Variants in RIMS2 observed in about 807,000 individuals in gnomAD.
RIMS2 encodes regulating synaptic membrane exocytosis protein 2.
Under a neutral mutation model 174.4 loss-of-function variants are expected in RIMS2, and 59 were observed. The observed-to-expected ratio is 0.34, with a 90% CI of 0.27 to 0.42. The LOEUF (loss-of-function observed/expected upper bound fraction) is 0.42. Ranked by LOEUF, RIMS2 falls within the 10% of genes least tolerant of loss-of-function variation. RIMS2 has a pLI of 1.00. For missense variants in RIMS2, 1,620 were observed against 1,666.3 expected (o/e 0.97, Z 0.48); for synonymous variants, 606 against 572.5 (o/e 1.06, Z -0.84).
At chr8:103,804,738 G>C (rs7832329) in intron 3 of RIMS2, among the ~76,000 whole-genome samples, 17,309 of 152,114 alleles carry the variant, frequency 0.11, 1,331 homozygotes, top group African/African-American at 0.22. Context: ...TGAGAGATTT[G>C]ATTTAAAACC....
At chr8:103,743,595 ATTC>A (rs1564475452) in intron 2 of RIMS2, among the ~76,000 whole-genome samples, 1 of 152,098 alleles carries the variant, frequency 6.6e-6, no homozygotes, top group African/African-American at 2.4e-5. Flanking sequence ...GATATCACAG[ATTC>A]TTTTGTTTAC....
At chr8:103,532,741 G>A (rs749662580) in intron 1 of RIMS2, among the ~76,000 whole-genome samples, 1 of 152,158 alleles carries the variant, frequency 6.6e-6, no homozygotes, top group Non-Finnish European at 1.5e-5. Flanking sequence ...CAATAATACA[G>A]TTACAACTCA....
chr8:104,249,074 A>G (rs984145732), intron 21 of RIMS2, among the ~76,000 whole-genome samples: 2 of 150,722 alleles, frequency 1.3e-5, no homozygotes, highest in African/African-American at 4.9e-5. Flanking sequence ...GACTACAGGC[A>G]CACGCCACCA....
chr8:103,768,773 A>G lies in RIMS2; in HGVS notation c.698+2236A>G. 3 of 738,312 alleles carry G rather than the reference A, an allele frequency of 4.1e-6. No homozygotes were observed. The South Asian group carries it at 4.2e-5, about 10-fold the overall frequency. 45.7% of individuals were successfully genotyped at this position (738,312 alleles called of 1,614,324 possible). On this transcript the variant is annotated intron_variant, in intron 3 of 23. Transcript: ENST00000504942. Reference sequence around the variant, plus strand: ...GTTGTAAGAAAGCCTTTAAACAAAGAAGGTAAGAAACCTAGGACCAAAGCA... The same window carrying G: ...GTTGTAAGAAAGCCTTTAAACAAAGGAGGTAAGAAACCTAGGACCAAAGCA...
At chr8:103,620,520 C>A (rs1204295445) in intron 1 of RIMS2, among the ~76,000 whole-genome samples, 1 of 152,116 alleles carries the variant, frequency 6.6e-6, no homozygotes, top group East Asian at 1.9e-4. Flanking sequence ...TTTTATCCAT[C>A]ATCTGAGGGA....
intron 1 of RIMS2, among the ~76,000 whole-genome samples, chr8:103,502,956 T>G: frequency 6.6e-6 from 1 of 151,996 alleles, no homozygotes; most frequent in Admixed American, 6.5e-5. Flanking sequence ...TGTAAAAGGG[T>G]TTTTCAGGTA....
intron 1 of RIMS2, among the ~76,000 whole-genome samples, chr8:103,599,026 C>G (rs891013455): frequency 6.6e-6 from 1 of 152,044 alleles, no homozygotes; most frequent in Admixed American, 6.6e-5. Context: ...AATATTTTCT[C>G]CTCAATTTTT....
At chr8:104,017,677 A>G (rs905312690) in intron 19 of RIMS2, among the ~76,000 whole-genome samples, 2 of 152,120 alleles carry the variant, frequency 1.3e-5, no homozygotes, top group Non-Finnish European at 2.9e-5. Flanking sequence ...AAAAGTCACA[A>G]TTTCTCTTTT....
chr8:103,851,860 G>C (rs989150622), intron 3 of RIMS2, among the ~76,000 whole-genome samples: 1 of 151,748 alleles, frequency 6.6e-6, no homozygotes, highest in Non-Finnish European at 1.5e-5. Context: ...ATATGAAAAT[G>C]AATTGCACTT....
intron 1 of RIMS2, among the ~76,000 whole-genome samples, chr8:103,540,977 AAG>A (rs1479520513): frequency 6.7e-6 from 1 of 148,926 alleles, no homozygotes; most frequent in Non-Finnish European, 1.5e-5. Flanking sequence ...AGGAATAAAA[AAG>A]AAACAAAAAA....
At chr8:104,102,896 A>G (rs933498411) in intron 19 of RIMS2, among the ~76,000 whole-genome samples, 7 of 152,100 alleles carry the variant, frequency 4.6e-5, no homozygotes, top group Non-Finnish European at 1.0e-4. Context: ...ACACAGCCAA[A>G]CCATATAACA....
chr8:104,210,973 CTT>C (rs1465061549), intron 19 of RIMS2, among the ~76,000 whole-genome samples: 12 of 152,300 alleles, frequency 7.9e-5, no homozygotes, highest in Admixed American at 7.8e-4. Context: ...AGGCTTAAAA[CTT>C]AAGAAATCTT....
intron 19 of RIMS2, among the ~76,000 whole-genome samples, chr8:104,043,157 G>T (rs1301559603): frequency 6.6e-6 from 1 of 151,376 alleles, no homozygotes; most frequent in East Asian, 1.9e-4. Flanking sequence ...CAGTCAAGTT[G>T]TAGGTAGAAA....
chr8:103,886,124 C>A, exon 4 of RIMS2: 1 of 1,612,974 alleles, frequency 6.2e-7, no homozygotes, highest in Non-Finnish European at 8.5e-7. Flanking sequence ...TAAAATGCGC[C>A]AGATTTCGTT....
chr8:103,916,788 A>G (rs1313001853), intron 8 of RIMS2, among the ~76,000 whole-genome samples: 1 of 152,154 alleles, frequency 6.6e-6, no homozygotes, highest in Non-Finnish European at 1.5e-5. Flanking sequence ...ATTTTGTTGT[A>G]ACACTTTAGA....
At chr8:103,570,123 A>G (rs1271433878) in intron 1 of RIMS2, among the ~76,000 whole-genome samples, 2 of 152,132 alleles carry the variant, frequency 1.3e-5, no homozygotes, top group Admixed American at 1.3e-4. Flanking sequence ...TTAGAACTGC[A>G]TTAGGTAACC....
chr8:103,822,376 G>T (rs2098757319), intron 3 of RIMS2, among the ~76,000 whole-genome samples: 1 of 151,686 alleles, frequency 6.6e-6, no homozygotes. Context: ...ACATTTCCAA[G>T]TTCAACTTGT....
intron 1 of RIMS2, among the ~76,000 whole-genome samples, chr8:103,540,625 C>T (rs967246454): frequency 3.3e-5 from 5 of 152,152 alleles, no homozygotes; most frequent in Non-Finnish European, 7.3e-5. Context: ...AGGTATAACA[C>T]CACCAAAAGA....
chr8:104,064,097 T>G (rs1566125040), intron 19 of RIMS2, among the ~76,000 whole-genome samples: 1 of 152,178 alleles, frequency 6.6e-6, no homozygotes, highest in Non-Finnish European at 1.5e-5. Context: ...GAAGTTAACT[T>G]TTTTTATATT....
Sources: allele counts gnomAD v4.1 joint callset (sites outside exome capture counted in the v4.1 genomes callset), GRCh38; gene constraint gnomAD v4.1.1; transcripts MANE v1.5; gene names NCBI Gene and HGNC (gene_info 2026-07-23, HGNC 2026-07-21).